Variants in TMEM161B observed in about 807,000 individuals in gnomAD.
TMEM161B encodes the protein transmembrane protein 161B.
TMEM161B carries 34 observed loss-of-function variants against 61.8 expected under a neutral mutation model. That is an observed-to-expected ratio of 0.55 (90% CI 0.42 to 0.73). TMEM161B has a LOEUF of 0.73. Among genes scored for constraint, TMEM161B ranks in the 30% least tolerant of loss-of-function variants. The pLI is 0.00. For missense variants in TMEM161B, 456 were observed against 558.5 expected (o/e 0.82, Z 1.85); for synonymous variants, 167 against 192.8 (o/e 0.87, Z 1.11).
chr5:88,186,924 C>T (rs1748386560), downstream of TMEM161B, among the ~76,000 whole-genome samples: 1 of 152,014 alleles, frequency 6.6e-6, no homozygotes, highest in Non-Finnish European at 1.5e-5. Context: ...ACAACAACAA[C>T]AACAACAAAC....
At chr5:88,255,489 C>A (rs979753094) in intron 1 of TMEM161B, among the ~76,000 whole-genome samples, 3 of 152,164 alleles carry the variant, frequency 2.0e-5, no homozygotes, top group Admixed American at 6.5e-5. Context: ...ATCTAATGTA[C>A]ATTTATTGGT....
At chr5:88,257,350 C>G (rs528636232) in intron 1 of TMEM161B, among the ~76,000 whole-genome samples, 1 of 152,248 alleles carries the variant, frequency 6.6e-6, no homozygotes, top group Non-Finnish European at 1.5e-5. Flanking sequence ...TCAAAGTGCA[C>G]TGAGAAAGCT....
At chr5:88,217,198 A>G (rs1010074119) in intron 5 of TMEM161B, among the ~76,000 whole-genome samples, 1 of 152,234 alleles carries the variant, frequency 6.6e-6, no homozygotes, top group Non-Finnish European at 1.5e-5. Flanking sequence ...TAGAGGCTGC[A>G]GTGAACTATG....
intron 5 of TMEM161B, among the ~76,000 whole-genome samples, chr5:88,210,307 A>G (rs1210919856): frequency 6.6e-6 from 1 of 152,356 alleles, no homozygotes; most frequent in East Asian, 1.9e-4. Context: ...TGTATACAAA[A>G]ACATATGGAT....
At chr5:88,250,712 A>AT (rs1321969803) in intron 1 of TMEM161B, 1 of 152,092 alleles carries the variant, frequency 6.6e-6, no homozygotes, top group African/African-American at 2.4e-5. Flanking sequence ...CCCAAGCACT[A>AT]TGGGTTGACC....
At chr5:88,229,754 C>T (rs565178177) in intron 2 of TMEM161B, among the ~76,000 whole-genome samples, 1 of 150,606 alleles carries the variant, frequency 6.6e-6, no homozygotes, top group East Asian at 2.0e-4. Flanking sequence ...TTGCTGTTCC[C>T]CCCGTCCTCA....
At chr5:88,228,630 T>C in intron 2 of TMEM161B, 102 bp from the exon 3 acceptor site, 1 of 819,372 alleles carries the variant, frequency 1.2e-6, no homozygotes, top group Middle Eastern at 3.4e-4. Context: ...GAAGACACTG[T>C]CGAGAAATAT....
chr5:88,237,804 TTA>T (rs1561390209), intron 2 of TMEM161B, among the ~76,000 whole-genome samples: 1 of 152,090 alleles, frequency 6.6e-6, no homozygotes, highest in Non-Finnish European at 1.5e-5. Context: ...AGCTACAAAA[TTA>T]GTCAATTTTT....
intron 11 of TMEM161B, among the ~76,000 whole-genome samples, chr5:88,197,372 T>C (rs1377706434): frequency 6.6e-6 from 1 of 152,152 alleles, no homozygotes; most frequent in African/African-American, 2.4e-5. Context: ...CATCCTCTTA[T>C]AACATGAAAG....
chr5:88,211,519 G>A (rs1421325633), intron 5 of TMEM161B, among the ~76,000 whole-genome samples: 1 of 152,000 alleles, frequency 6.6e-6, no homozygotes, highest in East Asian at 1.9e-4. Flanking sequence ...CAGCACTTTG[G>A]GAGGCTGAGG....
chr5:88,226,236 A>AACACAC (rs551510315), intron 3 of TMEM161B, among the ~76,000 whole-genome samples: 2 of 151,756 alleles, frequency 1.3e-5, no homozygotes, highest in Admixed American at 6.6e-5. Flanking sequence ...GACGTGTATA[A>AACACAC]ACACACACAC....
intron 1 of TMEM161B, among the ~76,000 whole-genome samples, chr5:88,265,253 G>C (rs900190956): frequency 4.6e-5 from 7 of 152,120 alleles, no homozygotes; most frequent in Non-Finnish European, 1.0e-4. Flanking sequence ...AAACTCAGTT[G>C]AAGTCACCTA....
At chr5:88,243,734 T>C (rs1203668412) in intron 1 of TMEM161B, among the ~76,000 whole-genome samples, 1 of 151,922 alleles carries the variant, frequency 6.6e-6, no homozygotes, top group African/African-American at 2.4e-5. Context: ...TGATTCCTTA[T>C]CTCCATAACC....
chr5:88,258,550 T>A (rs1464923042), intron 1 of TMEM161B, among the ~76,000 whole-genome samples: 5 of 152,160 alleles, frequency 3.3e-5, no homozygotes. Context: ...AACAAATGGT[T>A]CTAGTTATGG....
At chr5:88,198,879 T>C (rs1750166118) in intron 10 of TMEM161B, 97 bp downstream of exon 10, 10 of 984,296 alleles carry the variant, frequency 1.0e-5, no homozygotes, top group Non-Finnish European at 1.5e-5. Context: ...AAGAATATGA[T>C]GGGTTGAAAT....
intron 9 of TMEM161B, chr5:88,200,322 T>G (rs1024006051): frequency 2.0e-5 from 3 of 152,084 alleles, no homozygotes; most frequent in Non-Finnish European, 4.4e-5. Context: ...TTTATCAACA[T>G]GTTTCCACTA....
chr5:88,203,484 C>T (rs1744799562), intron 8 of TMEM161B, among the ~76,000 whole-genome samples: 1 of 151,552 alleles, frequency 6.6e-6, no homozygotes, highest in Non-Finnish European at 1.5e-5. Context: ...ATTTTCAGTA[C>T]AGAAGAGTCG....
intron 5 of TMEM161B, among the ~76,000 whole-genome samples, chr5:88,211,722 G>A (rs2112461005): frequency 6.8e-6 from 1 of 147,254 alleles, no homozygotes; most frequent in Middle Eastern, 3.6e-3. Flanking sequence ...AGTGAGCCGA[G>A]ATCGCACCAC....
chr5:88,237,747 G>T (rs372264675), intron 2 of TMEM161B, among the ~76,000 whole-genome samples: 3 of 151,576 alleles, frequency 2.0e-5, no homozygotes, highest in East Asian at 1.9e-4. Flanking sequence ...AAGTTTAAAA[G>T]AACAGTCTAA....
Sources: gnomAD v4.1 joint callset for allele counts (sites outside exome capture counted in the v4.1 genomes callset) on GRCh38, gnomAD v4.1.1 for gene constraint, MANE v1.5 for transcripts, NCBI Gene and HGNC (gene_info 2026-07-23, HGNC 2026-07-21) for gene names.